Variants in CCT7 observed in about 807,000 individuals in gnomAD.
CCT7 encodes the protein chaperonin containing TCP1 subunit 7.
Under a neutral mutation model 56.6 loss-of-function variants are expected in CCT7, and 16 were observed. The observed-to-expected ratio is 0.28, with a 90% confidence interval of 0.19 to 0.43. CCT7 has a LOEUF of 0.43. Among genes scored for constraint, CCT7 ranks in the 20% least tolerant of loss-of-function variants. CCT7 has a pLI of 1.00. For synonymous variants in CCT7, 262 were observed against 254.8 expected (o/e 1.03, Z -0.27); for missense variants, 519 against 685.6 (o/e 0.76, Z 2.71).
intron 8 of CCT7, among the ~76,000 whole-genome samples, 184 bp downstream of exon 8, chr2:73,249,363 C>G (rs1687476926): frequency 6.6e-6 from 1 of 152,072 alleles, no homozygotes; most frequent in African/African-American, 2.4e-5. Context: ...GCACAAACTA[C>G]TTTAGTCTAA....
chr2:73,244,365 T>A, intron 5 of CCT7, 179 bp from the exon 6 acceptor site: 4 of 614,042 alleles, frequency 6.5e-6, no homozygotes, highest in Non-Finnish European at 8.5e-6. Context: ...CTGCCACATA[T>A]GAGATCTTTG....
At chr2:73,249,967 C>T in intron 9 of CCT7, 51 bp downstream of exon 9, 1 of 1,262,020 alleles carries the variant, frequency 7.9e-7, no homozygotes, top group South Asian at 1.2e-5. Context: ...GTCTGGTCTT[C>T]TGCCATCTTT....
chr2:73,251,016 G>C (rs565300889), intron 10 of CCT7, among the ~76,000 whole-genome samples: 1 of 152,262 alleles, frequency 6.6e-6, no homozygotes, highest in African/African-American at 2.4e-5. Flanking sequence ...TTGAGCTGCA[G>C]GTGACCTTGA....
chr2:73,236,880 A>G (rs554579473), intron 1 of CCT7, among the ~76,000 whole-genome samples: 42 of 152,312 alleles, frequency 2.8e-4, no homozygotes, highest in Non-Finnish European at 5.6e-4. Context: ...ATCTGTGGTT[A>G]GCTGCTTCCA....
Position 73,248,979 on chromosome 2 carries a change from G to C in CCT7, c.784-12G>C. On this transcript the variant is annotated splice_polypyrimidine_tract_variant and intron_variant, in intron 7 of 11. Transcript: ENST00000258091. ...CCCCAAAGCATTCTCATCCTTTTCT[G>C]GGTCTCTCCAGGATTATCAGGCAAT... The C allele has an allele frequency of 6.2e-7, 1 of 1,604,050 alleles. No individual in the cohort carries two copies.
Position 73,244,187 on chromosome 2 carries a change from A to G in CCT7, c.446+138A>G, listed in dbSNP as rs1487042957. 3 of 853,278 alleles carry G rather than the reference A, an allele frequency of 3.5e-6. No individual in the cohort carries two copies. The East Asian group carries it at 7.9e-5, about 23-fold the overall frequency. The allele number at this position is 853,278 out of a possible 1,614,324, so 52.9% of individuals were successfully genotyped here. A position where few individuals can be genotyped will look rare whatever the true frequency, so the allele number is the denominator to read the frequency against. ...AGTGCTGGGATTACAGGTGTGAGTCACCGTGTCAGGCCTTTGTCAGAACCT... is the reference window on the plus strand; with the variant it reads ...AGTGCTGGGATTACAGGTGTGAGTCGCCGTGTCAGGCCTTTGTCAGAACCT... On this transcript the variant is annotated intron_variant, in intron 5 of 11. Transcript: ENST00000258091.
In CCT7 at chr2:73,252,645, T is replaced by C. The variant is rs1687645616; in HGVS notation, c.1416T>C (p.Gly472=). 1.2e-6 allele frequency: 2 copies of C among 1,612,734 alleles called. No homozygotes were observed. The highest frequency in any genetic ancestry group is 1.7e-6 in the Non-Finnish European group (2 of 1,178,912). Residue 472 remains glycine (G), a synonymous_variant, in exon 12 of 12, where the codon GGT becomes GGC. Coordinates refer to ENST00000258091, the MANE Select transcript of CCT7 (RefSeq NM_006429.4). The stretch of plus-strand genomic sequence containing the variant: ...TTCTTTTCCTACTCTTTTAGGGGGG[T>C]ACATGGTATGGAGTAGACATCAACA... ...NKLRARHAQG[G]TWYGVDINNE... is the part of the protein sequence containing the mutation.
At chr2:73,240,587 C>T in intron 3 of CCT7, 44 bp downstream of exon 3, 1 of 1,252,952 alleles carries the variant, frequency 8.0e-7, no homozygotes. Context: ...GAAACACATG[C>T]TTGCTTGCTC....
chr2:73,239,237 A>C (rs1687002215), intron 1 of CCT7: 1 of 161,426 alleles, frequency 6.2e-6, no homozygotes, highest in East Asian at 1.8e-4. Context: ...GAGCTGTAAC[A>C]CAGACAAGTG....
intron 3 of CCT7, among the ~76,000 whole-genome samples, chr2:73,241,611 G>C (rs1489871359): frequency 2.0e-5 from 3 of 152,068 alleles, no homozygotes; most frequent in Non-Finnish European, 2.9e-5. Flanking sequence ...TTCCAGTTTA[G>C]AGTTTATCCA....
Position 73,252,758 on chromosome 2 carries a change from C to A in CCT7, c.1529C>A (p.Ala510Glu). 1 of 1,614,086 alleles carries A rather than the reference C, an allele frequency of 6.2e-7. No homozygotes were observed. Among genetic ancestry groups the A allele is most frequent in the Non-Finnish European group, 8.5e-7 (1 of 1,179,994 alleles). ...GCGCTGACAGCAGCCTCTGAGGCTG[C>A]GTGCCTGATCGTGTCTGTAGATGAA... ...INALTAASEA[A>E]CLIVSVDETI... The change falls in exon 12 of 12, where the codon GCG (alanine) becomes GAG (glutamate). Residue 510 changes from alanine (A) to glutamate (E), a missense_variant. Ala to Glu is a moderately radical substitution (Grantham distance 107). This residue lies in a region of CCT7 where 237 missense variants were observed against 300.8 expected (regional missense o/e 0.79). Transcript: ENST00000258091.
At chr2:73,239,394 T>A (rs1310224422) in intron 1 of CCT7, 1 of 413,834 alleles carries the variant, frequency 2.4e-6, no homozygotes, top group Non-Finnish European at 4.4e-6. Flanking sequence ...ATTTTTTCTT[T>A]TAGATTAGGT....
chr2:73,251,100 G>A, intron 10 of CCT7, 126 bp from the exon 11 acceptor site: 1 of 813,306 alleles, frequency 1.2e-6, no homozygotes, highest in Non-Finnish European at 2.0e-6. Context: ...CTGGGCGTTT[G>A]GGGCTTGGGA....
intron 5 of CCT7, 81 bp from the exon 6 acceptor site, chr2:73,244,463 A>G (rs1195006095): frequency 2.4e-6 from 3 of 1,250,434 alleles, no homozygotes; most frequent in Non-Finnish European, 3.3e-6. Context: ...CTGGAAGGGA[A>G]CTACCTCCAC....
chr2:73,246,619 T>A (rs892477766), intron 6 of CCT7, among the ~76,000 whole-genome samples: 3 of 152,248 alleles, frequency 2.0e-5, no homozygotes, highest in African/African-American at 7.2e-5. Flanking sequence ...TAACAAAGCC[T>A]GTAAGATCCT....
At chr2:73,235,762 C>G (rs1182015331) in intron 1 of CCT7, 5 of 166,000 alleles carry the variant, frequency 3.0e-5, no homozygotes, top group African/African-American at 7.2e-5. Flanking sequence ...AATGTTAGCT[C>G]TTACTCGGCG....
At chr2:73,236,818 C>T (rs1686904954) in intron 1 of CCT7, among the ~76,000 whole-genome samples, 1 of 152,194 alleles carries the variant, frequency 6.6e-6, no homozygotes, top group Non-Finnish European at 1.5e-5. Context: ...TAGATGCTCT[C>T]TACCCAGCCT....
chr2:73,246,029 CA>C (rs1361938670), intron 6 of CCT7, among the ~76,000 whole-genome samples: 2 of 152,176 alleles, frequency 1.3e-5, no homozygotes, highest in Non-Finnish European at 2.9e-5. Flanking sequence ...GATTAGAAAT[CA>C]GGACTAATAA....
In CCT7 at chr2:73,234,344, G is replaced by C. The variant is rs1359704625; in HGVS notation, c.-35G>C. 2.5e-6 allele frequency: 4 copies of C among 1,613,654 alleles called. No individual in the cohort carries two copies. The highest frequency in any genetic ancestry group is 2.7e-5 in the African/African-American group (2 of 74,960). On this transcript the variant is annotated 5_prime_UTR_variant, in exon 1 of 12. Coordinates refer to ENST00000258091, the MANE Select transcript of CCT7 (RefSeq NM_006429.4). The stretch of plus-strand genomic sequence containing the variant: ...CTGGGCGGCCCGGTCTCGGAGAAGA[G>C]GGGAGAGTGGCGGGCCGCTGAATAA...
Sources: gnomAD v4.1 joint callset for allele counts (sites outside exome capture counted in the v4.1 genomes callset) on GRCh38, gnomAD v4.1.1 for gene constraint, gnomAD v4.1.1 regional missense constraint, MANE v1.5 for transcripts, NCBI Gene and HGNC (gene_info 2026-07-23, HGNC 2026-07-21) for gene names.